The following SLIT3 variants were observed in gnomAD, a reference collection of about 807,000 sequenced individuals.
SLIT3 encodes the protein slit guidance ligand 3.
A neutral mutation model predicts 184.0 loss-of-function variants in SLIT3; 68 were observed. That is an observed-to-expected ratio of 0.37 (90% confidence interval 0.30 to 0.45). SLIT3 has a LOEUF of 0.45. Among genes scored for constraint, SLIT3 ranks in the 20% least tolerant of loss-of-function variants. The probability of loss-of-function intolerance (pLI) is 1.00; values close to 1 mark genes in which losing one functional copy is unlikely to be tolerated. For missense variants in SLIT3, 1,707 were observed against 2,026.0 expected (o/e 0.84, Z 3.02); for synonymous variants, 831 against 828.6 (o/e 1.00, Z -0.05).
intron 4 of SLIT3, among the ~76,000 whole-genome samples, chr5:169,098,414 C>T (rs1212280403): frequency 6.6e-6 from 1 of 152,128 alleles, no homozygotes; most frequent in Admixed American, 6.5e-5. Flanking sequence ...GTTTTGGCTC[C>T]CAAGCCCACA....
At chr5:169,090,829 C>T (rs1360441740) in intron 4 of SLIT3, among the ~76,000 whole-genome samples, 1 of 152,168 alleles carries the variant, frequency 6.6e-6, no homozygotes, top group Non-Finnish European at 1.5e-5. Flanking sequence ...GCTAGAGCCT[C>T]CAGAGGAAAG....
chr5:168,800,416 C>T (rs752674966), intron 9 of SLIT3, among the ~76,000 whole-genome samples: 23 of 152,130 alleles, frequency 1.5e-4, no homozygotes, highest in Non-Finnish European at 2.9e-4. Flanking sequence ...TGAAACCCAT[C>T]TCTACTAAAA....
At position 168,789,645 on chromosome 5, in the gene SLIT3, C is replaced by T. The variant is rs1359238467; in HGVS notation, c.1008-14G>A. ...TTGCTGATGTCTCTGAAAACGTTAA[C>T]GGTAAAGTCTGAGAACATGGCTCAA... On this transcript the variant is annotated splice_polypyrimidine_tract_variant and intron_variant, in intron 10 of 35. Transcript: ENST00000519560. 1.0e-5 allele frequency: 16 copies of T among 1,564,436 alleles called. No individual in the cohort carries two copies. Among genetic ancestry groups the T allele is most frequent in the East Asian group, 2.2e-5 (1 of 44,838 alleles).
chr5:169,237,822 A>G (rs1765256544), intron 3 of SLIT3, among the ~76,000 whole-genome samples: 2 of 152,130 alleles, frequency 1.3e-5, no homozygotes, highest in Non-Finnish European at 2.9e-5. Context: ...TAAATTCTTT[A>G]TCAGATACAT....
chr5:168,854,104 G>A (rs1348233653), intron 5 of SLIT3, among the ~76,000 whole-genome samples: 2 of 152,282 alleles, frequency 1.3e-5, no homozygotes, highest in East Asian at 3.9e-4. Flanking sequence ...ACATGGGAGA[G>A]TCAAGTTCAA....
At chr5:168,753,222 C>G (rs1277596723) in intron 17 of SLIT3, 124 bp from the exon 18 acceptor site, 7 of 1,000,226 alleles carry the variant, frequency 7.0e-6, no homozygotes, top group Non-Finnish European at 1.0e-5. Flanking sequence ...TCAGTCCAGC[C>G]ATGTTGATCA....
chr5:169,101,323 G>A (rs971091613), intron 4 of SLIT3, among the ~76,000 whole-genome samples: 33 of 152,198 alleles, frequency 2.2e-4, no homozygotes, highest in African/African-American at 7.5e-4. Context: ...CGTGGGTAAA[G>A]CTGAAGTTTG....
chr5:169,011,217 T>A (rs1346890259), intron 4 of SLIT3, among the ~76,000 whole-genome samples: 1 of 152,174 alleles, frequency 6.6e-6, no homozygotes, highest in Non-Finnish European at 1.5e-5. Context: ...CCGAGTTCTG[T>A]TCCAAAATGG....
intron 4 of SLIT3, among the ~76,000 whole-genome samples, chr5:168,911,049 G>A (rs7709047): frequency 2.2e-4 from 33 of 152,206 alleles, no homozygotes; most frequent in African/African-American, 7.0e-4. Context: ...GAAAAGCTAC[G>A]TTTAAAATCA....
At chr5:169,037,233 C>CAAAGTCCAT (rs1173409377) in intron 4 of SLIT3, among the ~76,000 whole-genome samples, 8 of 152,222 alleles carry the variant, frequency 5.3e-5, no homozygotes, top group African/African-American at 1.7e-4. Context: ...TGTCAAGAAA[C>CAAAGTCCAT]AAAGTCCATA....
At chr5:168,745,380 T>C (rs1763767797) in intron 20 of SLIT3, among the ~76,000 whole-genome samples, 1 of 152,150 alleles carries the variant, frequency 6.6e-6, no homozygotes, top group African/African-American at 2.4e-5. Flanking sequence ...CCTCAGTTGA[T>C]AAAGTAGTAG....
chr5:168,975,116 G>T (rs1036212182), intron 4 of SLIT3, among the ~76,000 whole-genome samples: 2 of 152,108 alleles, frequency 1.3e-5, no homozygotes, highest in Non-Finnish European at 2.9e-5. Context: ...ATGTAGAAAG[G>T]GACTTCCTGG....
At chr5:168,875,763 T>G in intron 5 of SLIT3, among the ~76,000 whole-genome samples, 7 of 145,082 alleles carry the variant, frequency 4.8e-5, no homozygotes, top group Admixed American at 6.9e-5. Flanking sequence ...GAAGGGAGGA[T>G]AAGAGGGAGG....
At chr5:169,027,002 C>G (rs1347918991) in intron 4 of SLIT3, among the ~76,000 whole-genome samples, 3 of 152,132 alleles carry the variant, frequency 2.0e-5, no homozygotes, top group Non-Finnish European at 4.4e-5. Flanking sequence ...AGTCATAGAT[C>G]TTTAGGAGTA....
chr5:169,186,547 T>A (rs1763343568), intron 4 of SLIT3, among the ~76,000 whole-genome samples: 1 of 152,098 alleles, frequency 6.6e-6, no homozygotes, highest in African/African-American at 2.4e-5. Context: ...CTGAAAAAGG[T>A]GAGGTCACTT....
At chr5:169,075,808 C>T (rs1656900708) in intron 4 of SLIT3, among the ~76,000 whole-genome samples, 1 of 152,240 alleles carries the variant, frequency 6.6e-6, no homozygotes, top group South Asian at 2.1e-4. Flanking sequence ...AGTACTTTCT[C>T]CAGCCATGCT....
intron 4 of SLIT3, among the ~76,000 whole-genome samples, chr5:168,903,091 G>T (rs780229920): frequency 1.1e-4 from 16 of 152,192 alleles, no homozygotes; most frequent in Non-Finnish European, 2.2e-4. Flanking sequence ...ACAGGCACAG[G>T]TTTTCCTTGT....
chr5:168,961,295 A>G (rs1302200989), intron 4 of SLIT3, among the ~76,000 whole-genome samples: 1 of 152,210 alleles, frequency 6.6e-6, no homozygotes, highest in Non-Finnish European at 1.5e-5. Context: ...TTCAAAAGAC[A>G]TGTATTTTAT....
intron 4 of SLIT3, among the ~76,000 whole-genome samples, chr5:169,164,317 C>A (rs1225636887): frequency 1.3e-5 from 2 of 152,162 alleles, no homozygotes; most frequent in East Asian, 1.9e-4. Context: ...CTTTCCTTCC[C>A]AAGGTCCCAT....
Sources: allele counts gnomAD v4.1 joint callset (sites outside exome capture counted in the v4.1 genomes callset), GRCh38; gene constraint gnomAD v4.1.1; transcripts MANE v1.5; gene names NCBI Gene and HGNC (gene_info 2026-07-23, HGNC 2026-07-21).